The following EXOC4 variants were observed in gnomAD, a reference collection of about 807,000 sequenced individuals.
The protein encoded by EXOC4 is SEC8-like 1.
A neutral mutation model predicts 107.2 loss-of-function variants in EXOC4; 71 were observed. The observed-to-expected ratio is 0.66, with a 90% CI of 0.55 to 0.81. The LOEUF (loss-of-function observed/expected upper bound fraction) is 0.81. Ranked by LOEUF, EXOC4 falls within the 30% of genes least tolerant of loss-of-function variation. The pLI, the probability that EXOC4 is intolerant of heterozygous loss-of-function variation, is 0.00. For synonymous variants in EXOC4, 456 were observed against 441.2 expected (o/e 1.03, Z -0.42); for missense variants, 1,108 against 1,189.6 (o/e 0.93, Z 1.01).
chr7:133,622,809 G>T (rs991798884), intron 9 of EXOC4, among the ~76,000 whole-genome samples: 7 of 152,094 alleles, frequency 4.6e-5, no homozygotes, highest in Non-Finnish European at 1.0e-4. Context: ...GCACTACTGT[G>T]ATCTGGATCC....
intron 17 of EXOC4, among the ~76,000 whole-genome samples, chr7:134,042,805 A>C (rs1795550510): frequency 6.6e-6 from 1 of 152,206 alleles, no homozygotes. Context: ...TGGGAGACTG[A>C]GGTGGTGGAT....
intron 7 of EXOC4, among the ~76,000 whole-genome samples, chr7:133,392,474 A>ATAG (rs1796875082): frequency 1.3e-5 from 2 of 152,274 alleles, no homozygotes; most frequent in African/African-American, 4.8e-5. Flanking sequence ...GCCCATGTGT[A>ATAG]TAGGGTCAGT....
chr7:133,979,262 G>C (rs1293325886), intron 14 of EXOC4, among the ~76,000 whole-genome samples: 1 of 152,016 alleles, frequency 6.6e-6, no homozygotes, highest in African/African-American at 2.4e-5. Flanking sequence ...TTTAGATTCA[G>C]AATCATTACT....
intron 10 of EXOC4, among the ~76,000 whole-genome samples, chr7:133,783,580 C>T (rs149594939): frequency 6.6e-6 from 1 of 152,288 alleles, no homozygotes; most frequent in Non-Finnish European, 1.5e-5. Flanking sequence ...TTTTCTTGAA[C>T]TCTGTTACAT....
chr7:133,323,746 C>T (rs1392708736), intron 5 of EXOC4, among the ~76,000 whole-genome samples: 2 of 152,074 alleles, frequency 1.3e-5, no homozygotes, highest in African/African-American at 4.8e-5. Flanking sequence ...GGGAGGATTC[C>T]CTCTTTTTCT....
chr7:133,411,500 TAGTC>T (rs2150746008), intron 7 of EXOC4, among the ~76,000 whole-genome samples: 1 of 152,290 alleles, frequency 6.6e-6, no homozygotes, highest in South Asian at 2.1e-4. Flanking sequence ...GAAATATTGT[TAGTC>T]ATTTATGCGT....
chr7:133,614,281 G>C (rs1425126920), intron 9 of EXOC4, among the ~76,000 whole-genome samples: 1 of 152,156 alleles, frequency 6.6e-6, no homozygotes. Context: ...GCCCTTATCT[G>C]TAAGTCTGGA....
At chr7:133,887,469 A>G (rs1471897778) in intron 11 of EXOC4, among the ~76,000 whole-genome samples, 1 of 152,206 alleles carries the variant, frequency 6.6e-6, no homozygotes, top group Non-Finnish European at 1.5e-5. Context: ...CAGAAAGACG[A>G]AATACACCTG....
At chr7:133,785,726 G>A (rs910194435) in intron 10 of EXOC4, among the ~76,000 whole-genome samples, 7 of 151,610 alleles carry the variant, frequency 4.6e-5, no homozygotes, top group African/African-American at 1.7e-4. Flanking sequence ...AGGCTGGAGT[G>A]CAGTGGTGCT....
At chr7:133,810,040 G>A (rs1797180345) in intron 10 of EXOC4, among the ~76,000 whole-genome samples, 1 of 152,196 alleles carries the variant, frequency 6.6e-6, no homozygotes. Context: ...ATATCAGAAG[G>A]CACATGATGT....
chr7:133,684,855 G>A (rs553121291), intron 10 of EXOC4, among the ~76,000 whole-genome samples: 1 of 152,092 alleles, frequency 6.6e-6, no homozygotes, highest in Non-Finnish European at 1.5e-5. Context: ...TGAAGACAGG[G>A]CCTTGGGCCT....
At chr7:133,794,791 CT>C (rs761561867) in intron 10 of EXOC4, among the ~76,000 whole-genome samples, 1,707 of 144,930 alleles carry the variant, frequency 0.012, 10 homozygotes, top group Middle Eastern at 0.032. Context: ...GGATAGTTGT[CT>C]TTTTTTTTTT....
At chr7:133,497,682 G>A (rs533607917) in intron 9 of EXOC4, among the ~76,000 whole-genome samples, 11 of 152,208 alleles carry the variant, frequency 7.2e-5, no homozygotes, top group Non-Finnish European at 1.2e-4. Flanking sequence ...GCCCACCTCA[G>A]CCTCCCAAAG....
intron 6 of EXOC4, among the ~76,000 whole-genome samples, chr7:133,371,488 T>C (rs1244051284): frequency 1.3e-5 from 2 of 152,306 alleles, no homozygotes; most frequent in African/African-American, 2.4e-5. Context: ...TATAATCATA[T>C]AGTATATGGT....
At position 133,253,151 on chromosome 7, in the gene EXOC4, G is replaced by A; in HGVS notation, c.50G>A (p.Ser17Asn). 9 of 1,614,200 alleles carry A rather than the reference G, an allele frequency of 5.6e-6. No homozygotes were observed. The highest frequency in any genetic ancestry group is 7.6e-6 in the Non-Finnish European group (9 of 1,180,024). ...AAATACAGAAGCACAGTCAGCAAAA[G>A]CAAAGACCCCTCGGGGCTGCTCATC... ...GGKYRSTVSK[S>N]KDPSGLLISV... Residue 17 changes from serine to asparagine, a missense_variant, in exon 1 of 18, where the codon AGC (serine) becomes AAC (asparagine). By Grantham distance (46) the Ser-to-Asn change is conservative. Coordinates refer to ENST00000253861, the MANE Select transcript of EXOC4 (RefSeq NM_021807.4).
At chr7:133,375,113 G>A in intron 7 of EXOC4, 111 bp downstream of exon 7, 2 of 803,868 alleles carry the variant, frequency 2.5e-6, no homozygotes, top group Non-Finnish European at 3.8e-6. Flanking sequence ...GTCATAAACA[G>A]GGTGAGAAAG....
At chr7:134,100,086 A>G in the EXOC4 span, among the ~76,000 whole-genome samples, 1 of 148,144 alleles carries the variant, frequency 6.8e-6, no homozygotes, top group Admixed American at 6.6e-5. Context: ...ATAAAACTTA[A>G]AAAAAATATG....
chr7:133,720,417 A>G (rs1304577427), intron 10 of EXOC4, among the ~76,000 whole-genome samples: 3 of 152,234 alleles, frequency 2.0e-5, no homozygotes, highest in Non-Finnish European at 4.4e-5. Context: ...ATGAGATTGC[A>G]AGGCATAACC....
intron 10 of EXOC4, among the ~76,000 whole-genome samples, chr7:133,813,879 G>A (rs571326602): frequency 6.6e-6 from 1 of 152,182 alleles, no homozygotes; most frequent in Admixed American, 6.5e-5. Context: ...GGGGTTAATA[G>A]AGCGTTTAAC....
Sources: allele counts gnomAD v4.1 joint callset (sites outside exome capture counted in the v4.1 genomes callset), GRCh38; gene constraint gnomAD v4.1.1; transcripts MANE v1.5; gene names NCBI Gene and HGNC (gene_info 2026-07-23, HGNC 2026-07-21).